Variants in AATK observed in about 807,000 individuals in gnomAD.
The protein encoded by AATK is lemur tail kinase 1, also known as serine/threonine-protein kinase LMTK1.
Under a neutral mutation model 114.3 loss-of-function variants are expected in AATK, and 91 were observed. The ratio of observed to expected loss-of-function variants is 0.80; its 90% CI spans 0.67 to 0.95. AATK has a LOEUF of 0.95. Among genes scored for constraint, AATK ranks in the 40% least tolerant of loss-of-function variants. The pLI, the probability that AATK is intolerant of heterozygous loss-of-function variation, is 0.00. For synonymous variants in AATK, 1,075 were observed against 916.5 expected (o/e 1.17, Z -3.12); for missense variants, 2,176 against 1,965.2 (o/e 1.11, Z -2.03).
At position 81,120,313 on chromosome 17, in the gene AATK, C is replaced by T. The variant is rs370976937; in HGVS notation, c.3623G>A (p.Arg1208His). 9 of 1,610,486 alleles carry T rather than the reference C, an allele frequency of 5.6e-6. No individual in the cohort carries two copies. The highest frequency in any genetic ancestry group is 5.0e-5 in the Admixed American group (3 of 59,984). Residue 1208 changes from arginine (R) to histidine (H), a missense_variant, in exon 11 of 14, where the codon CGC becomes CAC. Around this residue, in one of 4 missense-constraint regions of AATK, gnomAD observed 1,701 missense variants for 1,394.7 expected, o/e 1.22. Transcript: ENST00000326724. Reference sequence around the variant, plus strand: ...CAGGCTGGGCATCTTGAGCAGGCTGCGCAGGTTGCGCGCGCTCTGGCTCTC... The same window carrying T: ...CAGGCTGGGCATCTTGAGCAGGCTGTGCAGGTTGCGCGCGCTCTGGCTCTC... The part of the protein sequence containing the change: ...VAESQSARNL[R>H]SLLKMPSLLS...
At chr17:81,157,362 C>G (rs2061379395) in intron 1 of AATK, among the ~76,000 whole-genome samples, 2 of 152,206 alleles carry the variant, frequency 1.3e-5, no homozygotes, top group Non-Finnish European at 2.9e-5. Flanking sequence ...TGGGGCTGCA[C>G]TTGCTCATAG....
At chr17:81,138,050 AGACCCACACCCGTGCACCCG>A (rs1456896989) in intron 1 of AATK, among the ~76,000 whole-genome samples, 6 of 150,694 alleles carry the variant, frequency 4.0e-5, no homozygotes, top group Non-Finnish European at 7.4e-5. Context: ...ACGTGCACAC[AGACCCACACCCGTGCACCCG>A]GACCCACACC....
At chr17:81,118,536 T>G in intron 13 of AATK, 94 bp from the exon 14 acceptor site, 1 of 1,347,294 alleles carries the variant, frequency 7.4e-7, no homozygotes, top group Admixed American at 2.0e-5. Context: ...CTGGCCCACA[T>G]ACAGGCCGGG....
chr17:81,119,398 C>A lies in AATK; in HGVS notation c.4066G>T (p.Asp1356Tyr), dbSNP rs377602747. The part of the protein sequence containing the change: ...RFSITHVSDS[D>Y]AESKRGPEAG... Reference sequence around the variant, plus strand: ...GCCTCACCTCTCTTGGACTCGGCGTCCGAGTCAGACACGTGCGTGATGGAG... The same window carrying A: ...GCCTCACCTCTCTTGGACTCGGCGTACGAGTCAGACACGTGCGTGATGGAG... Residue 1356 changes from aspartate to tyrosine, a missense_variant, in exon 13 of 14, where the codon GAC (aspartate) becomes TAC (tyrosine). Coordinates refer to ENST00000326724, the MANE Select transcript of AATK (RefSeq NM_001080395.3). 193 of 1,562,262 alleles carry A rather than the reference C, an allele frequency of 1.2e-4. 1 individual carries two copies. The highest frequency in any genetic ancestry group is 1.7e-4 in the Middle Eastern group (1 of 5,866).
rs1291801602 is a variant in AATK, at chr17:81,119,955, A to T, written c.3864T>A (p.Asn1288Lys). ...NRPQQADGSPNGSTAEEGGGF... is the reference protein window; with the variant it reads ...NRPQQADGSPKGSTAEEGGGF... The stretch of plus-strand genomic sequence containing the variant: ...GCTCACCCTCTTCCGCTGTGGAGCC[A>T]TTTGGGGAGCCATCAGCCTGCTGCG... Residue 1288 changes from asparagine (N) to lysine (K), a missense_variant, in exon 12 of 14, where the codon AAT (asparagine) becomes AAA (lysine). By Grantham distance (94) the Asn-to-Lys change is moderately conservative (BLOSUM62 0). Coordinates refer to ENST00000326724, the MANE Select transcript of AATK (RefSeq NM_001080395.3). The T allele has an allele frequency of 6.9e-7, 1 of 1,447,634 alleles. No individual in the cohort carries two copies. 89.7% of individuals were successfully genotyped at this position (1,447,634 alleles called of 1,614,324 possible).
At chr17:81,145,374 A>G (rs1321590647) in intron 1 of AATK, among the ~76,000 whole-genome samples, 2 of 152,188 alleles carry the variant, frequency 1.3e-5, no homozygotes, top group African/African-American at 2.4e-5. Flanking sequence ...ATGGAGAAGG[A>G]TTTGTAAGCT....
chr17:81,128,002 C>T (rs2060871342), intron 4 of AATK, 92 bp from the exon 5 acceptor site: 1 of 1,478,752 alleles, frequency 6.8e-7, no homozygotes, highest in South Asian at 1.3e-5. Flanking sequence ...CCACGCCGGC[C>T]CCCAGGACAG....
chr17:81,163,875 G>T (rs1436200800), intron 1 of AATK, among the ~76,000 whole-genome samples: 1 of 152,242 alleles, frequency 6.6e-6, no homozygotes. Context: ...CAACTGAGGT[G>T]AGACCCCCAT....
chr17:81,152,343 TG>T (rs1393585853), intron 1 of AATK, among the ~76,000 whole-genome samples: 1 of 152,128 alleles, frequency 6.6e-6, no homozygotes, highest in East Asian at 1.9e-4. Flanking sequence ...CCCAGAGCTT[TG>T]GGAGGTTGAG....
rs757129553 is a variant in AATK, at chr17:81,119,599, C to T, written c.3884-19G>A. ...CCACCACCTGCAGCCCAGGTCGCGG[C>T]GTCACTCGCGCTCACAGCCTGGGAC... On this transcript the variant is annotated intron_variant, in intron 12 of 13. Coordinates refer to ENST00000326724, the MANE Select transcript of AATK (RefSeq NM_001080395.3). The T allele has an allele frequency of 5.2e-6, 8 of 1,541,934 alleles. No individual in the cohort carries two copies. Among genetic ancestry groups the T allele is most frequent in the South Asian group, 1.2e-5 (1 of 83,800 alleles).
chr17:81,165,135 T>C (rs1200266544), intron 1 of AATK, among the ~76,000 whole-genome samples: 4 of 152,212 alleles, frequency 2.6e-5, no homozygotes, highest in Non-Finnish European at 4.4e-5. Context: ...TATCTCCCAC[T>C]CAGGCCAAGC....
At chr17:81,151,199 GAC>G (rs1448215426) in intron 1 of AATK, among the ~76,000 whole-genome samples, 3 of 152,038 alleles carry the variant, frequency 2.0e-5, no homozygotes, top group Admixed American at 6.6e-5. Flanking sequence ...CCTAAGCAGA[GAC>G]ACAGAGTCAC....
chr17:81,118,808 C>T (rs2060614732), intron 13 of AATK, among the ~76,000 whole-genome samples: 1 of 152,232 alleles, frequency 6.6e-6, no homozygotes, highest in Non-Finnish European at 1.5e-5. Context: ...GGGCTGCAGC[C>T]ACAGGCCAGG....
At chr17:81,125,076 G>A in intron 7 of AATK, 62 bp from the exon 8 acceptor site, 3 of 1,096,526 alleles carry the variant, frequency 2.7e-6, no homozygotes, top group East Asian at 5.3e-5. Flanking sequence ...GCCGGGTGGG[G>A]GCAGGGGGAG....
chr17:81,149,122 CG>C (rs1198248116), intron 1 of AATK, among the ~76,000 whole-genome samples: 1 of 152,122 alleles, frequency 6.6e-6, no homozygotes, highest in African/African-American at 2.4e-5. Context: ...ATTCCGGGGC[CG>C]GGGCAGCCCC....
rs1213531206 is a variant in AATK, at chr17:81,122,464, G to A, written c.1472C>T (p.Pro491Leu). 4.8e-6 allele frequency: 7 copies of A among 1,452,070 alleles called. No individual in the cohort carries two copies. The highest frequency in any genetic ancestry group is 3.8e-5 in the South Asian group (3 of 78,094). 89.9% of individuals were successfully genotyped at this position (1,452,070 alleles called of 1,614,324 possible). The change falls in exon 11 of 14, where the codon CCG (proline) becomes CTG (leucine). Residue 491 changes from proline (P) to leucine (L), a missense_variant. Coordinates refer to ENST00000326724, the MANE Select transcript of AATK (RefSeq NM_001080395.3). ...GGTGCGGCCAGGGCTCAGCGTGGCC[G>A]GGAAGGCCTCCGCGCCGCGGCCCGC... ...WEAGRGAEAF[P>L]ATLSPGRTAR... is the part of the protein sequence containing the mutation.
In AATK at chr17:81,121,264, C is replaced by T. The variant is rs367664249; in HGVS notation, c.2672G>A (p.Arg891His). 7.8e-5 allele frequency: 125 copies of T among 1,610,256 alleles called. No homozygotes were observed. The highest frequency in any genetic ancestry group is 5.6e-4 in the East Asian group (25 of 44,798). ...ARRPDVVPAFRSLQKQVGTPD... is the reference protein window; with the variant it reads ...ARRPDVVPAFHSLQKQVGTPD... ...GGTCCCCACCTGCTTCTGCAGAGAG[C>T]GGAAGGCTGGCACCACATCCGGCCT... The change falls in exon 11 of 14, where the codon CGC becomes CAC. Residue 891 changes from arginine (R) to histidine (H), a missense_variant. Physicochemically the swap from Arg to His is conservative, Grantham distance 29. Transcript: ENST00000326724.
chr17:81,122,312 C>A lies in AATK; in HGVS notation c.1624G>T (p.Gly542Cys). 6.6e-7 allele frequency: 1 copy of A among 1,510,006 alleles called. No homozygotes were observed. The highest frequency in any genetic ancestry group is 8.8e-7 in the Non-Finnish European group (1 of 1,134,486). 93.5% of individuals were successfully genotyped at this position (1,510,006 alleles called of 1,614,324 possible). ...CAGCCGGCGCAGTCAGGGTCGTGGCCGGCGGCGGGTGCGGCCTCCTCTAGG... is the reference window on the plus strand; with the variant it reads ...CAGCCGGCGCAGTCAGGGTCGTGGCAGGCGGCGGGTGCGGCCTCCTCTAGG... ...IRLEEAAPAA[G>C]HDPDCAGCAP... is the part of the protein sequence containing the mutation. Residue 542 changes from glycine to cysteine, a missense_variant, in exon 11 of 14, where the codon GGC (glycine) becomes TGC (cysteine). Around this residue, in one of 4 missense-constraint regions of AATK, gnomAD observed 1,701 missense variants for 1,394.7 expected, o/e 1.22. Coordinates refer to ENST00000326724, the MANE Select transcript of AATK (RefSeq NM_001080395.3).
intron 1 of AATK, among the ~76,000 whole-genome samples, chr17:81,138,778 C>T (rs1316219783): frequency 1.5e-5 from 2 of 130,782 alleles, no homozygotes; most frequent in East Asian, 4.6e-4. Flanking sequence ...CATGCACGCA[C>T]ACACCCATGT....
Sources: gnomAD v4.1 joint callset for allele counts (sites outside exome capture counted in the v4.1 genomes callset) on GRCh38, gnomAD v4.1.1 for gene constraint, gnomAD v4.1.1 regional missense constraint, MANE v1.5 for transcripts, NCBI Gene and HGNC (gene_info 2026-07-23, HGNC 2026-07-21) for gene names.